The following SART1 variants were observed in gnomAD, a reference collection of about 807,000 sequenced individuals.
The protein encoded by SART1 is spliceosome associated factor 1, recruiter of U4/U6.U5 tri-snRNP, also known as U4/U6.U5 tri-snRNP-associated protein 1.
A neutral mutation model predicts 105.0 loss-of-function variants in SART1; 28 were observed. The ratio of observed to expected loss-of-function variants is 0.27; its 90% CI spans 0.20 to 0.37. SART1 has a LOEUF of 0.37. SART1 is among the 10% of genes least tolerant of loss of function. SART1 has a pLI of 1.00. For synonymous variants in SART1, 472 were observed against 462.9 expected (o/e 1.02, Z -0.25); for missense variants, 894 against 1,106.5 (o/e 0.81, Z 2.72).
In SART1 at chr11:65,977,084, T is replaced by A. The variant is rs1407063924; in HGVS notation, c.1928T>A (p.Leu643His). Residue 643 changes from leucine to histidine, a missense_variant, in exon 15 of 20, where the codon CTC becomes CAC. Physicochemically the swap from Leu to His is moderately conservative, Grantham distance 99 (BLOSUM62 -3). Around this residue, in one of 2 missense-constraint regions of SART1, gnomAD observed 182 missense variants for 328.3 expected, o/e 0.55. Coordinates refer to ENST00000312397, the MANE Select transcript of SART1 (RefSeq NM_005146.5). ...AATAGGGGGCTGGCAGCTGCCCTGC[T>A]CCTGTGTCAGAACAAAGGTAGGGAG... The part of the protein sequence containing the change: ...IVNRGLAAAL[L>H]LCQNKGLLET... 6.2e-7 allele frequency: 1 copy of A among 1,613,526 alleles called. No homozygotes were observed. Among genetic ancestry groups the A allele is most frequent in the Admixed American group, 1.7e-5 (1 of 60,010 alleles).
In SART1 at chr11:65,962,078, G is replaced by C; in HGVS notation, c.298G>C (p.Asp100His). 1 of 1,474,492 alleles carries C rather than the reference G, an allele frequency of 6.8e-7. No homozygotes were observed. The allele number at this position is 1,474,492 out of a possible 1,614,324, so 91.3% of individuals were successfully genotyped here. A position where few individuals can be genotyped will look rare whatever the true frequency, so the allele number is the denominator to read the frequency against. ...GCGCGTGAAGCGGGAGAAGCGCGATGACGGCTACGAGGCCGGTGAGGAGGC... is the reference window on the plus strand; with the variant it reads ...GCGCGTGAAGCGGGAGAAGCGCGATCACGGCTACGAGGCCGGTGAGGAGGC... ...ERRVKREKRD[D>H]GYEAAASSKT... The change falls in exon 1 of 20, where the codon GAC (aspartate) becomes CAC (histidine). Residue 100 changes from aspartate to histidine, a missense_variant. By Grantham distance (81) the Asp-to-His change is moderately conservative. Coordinates refer to ENST00000312397, the MANE Select transcript of SART1 (RefSeq NM_005146.5).
chr11:65,964,404 T>G (rs1855206190), intron 2 of SART1, 111 bp from the exon 3 acceptor site: 2 of 1,312,864 alleles, frequency 1.5e-6, no homozygotes, highest in Admixed American at 1.9e-5. Flanking sequence ...GGGGCAGACT[T>G]TGTGTTTGGG....
chr11:65,966,039 A>G, intron 7 of SART1, 37 bp from the exon 8 acceptor site: 1 of 1,613,898 alleles, frequency 6.2e-7, no homozygotes, highest in Non-Finnish European at 8.5e-7. Context: ...TGAGTTGCGG[A>G]CAAGTGTGAA....
intron 12 of SART1, among the ~76,000 whole-genome samples, chr11:65,971,732 G>T (rs1590640168): frequency 6.6e-6 from 1 of 151,994 alleles, no homozygotes; most frequent in African/African-American, 2.4e-5. Context: ...GGCAGTTAAG[G>T]GTTTCACAAA....
In SART1 at chr11:65,977,744, C is replaced by G. The variant is rs768097360; in HGVS notation, c.2037-20C>G. 8.7e-6 allele frequency: 14 copies of G among 1,613,976 alleles called. No individual in the cohort carries two copies. The highest frequency in any genetic ancestry group is 1.7e-5 in the Admixed American group (1 of 60,010). On this transcript the variant is annotated intron_variant, in intron 16 of 19. Coordinates refer to ENST00000312397, the MANE Select transcript of SART1 (RefSeq NM_005146.5). The stretch of plus-strand genomic sequence containing the variant: ...CAGGCGGCAGCTCCTCACACTAAGG[C>G]CTCCTCTGTCTCGGGCCAGGGCCAT...
At chr11:65,977,708 C>T (rs1223937654) in intron 16 of SART1, 55 bp downstream of exon 16, 46 of 1,613,694 alleles carry the variant, frequency 2.9e-5, no homozygotes, top group African/African-American at 4.0e-5. Context: ...CTTGGAGCTT[C>T]GGGACCACAG....
rs1225523032 is a variant in SART1, at chr11:65,965,794, G to C, written c.738+15G>C. ...AGAGGCGGCAGGTGAGGCTGCAGCA[G>C]GGGTGGTACAGGGGACACTGGTGGC... On this transcript the variant is annotated intron_variant, in intron 6 of 19. Transcript: ENST00000312397. 2.5e-6 allele frequency: 4 copies of C among 1,613,884 alleles called. No individual in the cohort carries two copies. The African/African-American group carries it at 5.3e-5, about 22-fold the overall frequency.
In SART1 at chr11:65,976,493, C is replaced by G. The variant is rs371435554; in HGVS notation, c.1671C>G (p.Ser557=). 19 of 1,583,232 alleles carry G rather than the reference C, an allele frequency of 1.2e-5. No homozygotes were observed. Among genetic ancestry groups the G allele is most frequent in the Non-Finnish European group, 1.1e-5 (13 of 1,164,560 alleles). ...GGGCCATCGTGTTCAACGCCACGTCCGAGTTCTGCCGCACCTTGGGGGAGA... is the reference window on the plus strand; with the variant it reads ...GGGCCATCGTGTTCAACGCCACGTCGGAGTTCTGCCGCACCTTGGGGGAGA... ...RKGAIVFNAT[S]EFCRTLGEIP... The change falls in exon 13 of 20, where the codon TCC becomes TCG. Residue 557 remains serine (S), a synonymous_variant. Coordinates refer to ENST00000312397, the MANE Select transcript of SART1 (RefSeq NM_005146.5). The surrounding 1 kb of genome is among the most constrained non-coding windows in gnomAD (Gnocchi z 5.1).
chr11:65,967,466 C>T lies in SART1; in HGVS notation c.1314-5C>T, dbSNP rs1855282764. On this transcript the variant is annotated splice_region_variant and splice_polypyrimidine_tract_variant and intron_variant, in intron 10 of 19. Transcript: ENST00000312397. ...GTGCTCACCAGAGAGGCCTCCTTCC[C>T]TCAGACTGCGGGGACGGGGTCGCCG... 1 of 1,613,620 alleles carries T rather than the reference C, an allele frequency of 6.2e-7. No homozygotes were observed.
At chr11:65,977,406 C>T (rs1242783609) in intron 15 of SART1, among the ~76,000 whole-genome samples, 157 bp from the exon 16 acceptor site, 1 of 152,192 alleles carries the variant, frequency 6.6e-6, no homozygotes, top group Non-Finnish European at 1.5e-5. Flanking sequence ...GCAAGGGGCT[C>T]ATTTCTGCAT....
At position 65,978,278 on chromosome 11, in the gene SART1, CCCCTTGCT is replaced by C; in HGVS notation, c.2173-320_2173-313del. On this transcript the variant is annotated intron_variant, in intron 17 of 19. Coordinates refer to ENST00000312397, the MANE Select transcript of SART1 (RefSeq NM_005146.5). This position sits in a 1 kb window ranked among gnomAD's most constrained non-coding sequence, Gnocchi z 6.8. ...CCGTCCTGCCCTACCACTCAGCTGCCCCCTTGCTCTCTGGGGTTTGTCTCCCTGCAGCC... is the reference window on the plus strand; with the variant it reads ...CCGTCCTGCCCTACCACTCAGCTGCCCTCTGGGGTTTGTCTCCCTGCAGCC... 2.0e-6 allele frequency: 1 copy of C among 501,050 alleles called. No individual in the cohort carries two copies. The highest frequency in any genetic ancestry group is 3.6e-6 in the Non-Finnish European group (1 of 275,922). 31.0% of individuals were successfully genotyped at this position (501,050 alleles called of 1,614,324 possible).
chr11:65,965,419 A>C lies in SART1; in HGVS notation c.632A>C (p.Gln211Pro). The C allele has an allele frequency of 6.4e-7, 1 of 1,562,356 alleles. No homozygotes were observed. Among genetic ancestry groups the C allele is most frequent in the Non-Finnish European group, 8.7e-7 (1 of 1,153,448 alleles). Residue 211 changes from glutamine (Q) to proline (P), a missense_variant, in exon 5 of 20, where the codon CAG (glutamine) becomes CCG (proline). By Grantham distance (76) the Gln-to-Pro change is moderately conservative. Around this residue, in one of 2 missense-constraint regions of SART1, gnomAD observed 712 missense variants for 778.2 expected, o/e 0.91. Coordinates refer to ENST00000312397, the MANE Select transcript of SART1 (RefSeq NM_005146.5). ...AAWIERSRQL[Q>P]KEKDLAEKRA... ...TGGATCGAGAGGAGCCGGCAGCTGC[A>C]GAAGGAGAAGGACCTGGCAGAGAAG...
At chr11:65,964,931 AG>A in intron 3 of SART1, 160 bp from the exon 4 acceptor site, 1 of 925,882 alleles carries the variant, frequency 1.1e-6, no homozygotes, top group Non-Finnish European at 1.5e-6. Context: ...TGGGTTGGCC[AG>A]GAGTGTGGGG....
In SART1 at chr11:65,976,451, G is replaced by A; in HGVS notation, c.1629G>A (p.Glu543=). ...GCCAGCGGGGCTGGGAGGAGGATGA[G>A]GATCCCGAGCGGAAGGGGGCCATCG... ...ESRQRGWEED[E]DPERKGAIVF... The change falls in exon 13 of 20, where the codon GAG becomes GAA. Residue 543 remains glutamate, a synonymous_variant. Coordinates refer to ENST00000312397, the MANE Select transcript of SART1 (RefSeq NM_005146.5). This position sits in a 1 kb window ranked among gnomAD's most constrained non-coding sequence, Gnocchi z 5.1. 2 of 1,570,728 alleles carry A rather than the reference G, an allele frequency of 1.3e-6. No homozygotes were observed. The highest frequency in any genetic ancestry group is 1.2e-5 in the South Asian group (1 of 83,200).
At chr11:65,967,945 GTTTGTT>G in intron 12 of SART1, 124 bp downstream of exon 12, 2 of 763,810 alleles carry the variant, frequency 2.6e-6, no homozygotes. Context: ...TGTTTTCTGG[GTTTGTT>G]TTTTTTTTTT....
rs373028782 is a variant in SART1, at chr11:65,974,704, G to T, written c.1573-1691G>T. 1.7e-4 allele frequency among the ~76,000 whole-genome samples: 26 copies of T among 152,024 alleles called. No homozygotes were observed. The South Asian group carries it at 5.2e-3, about 30-fold the overall frequency. ...TAAATAAGTAGCATATGATGCATTA[G>T]ATATACCTCGTTTTATGTTTACAAT... On this transcript the variant is annotated intron_variant, in intron 12 of 19. Coordinates refer to ENST00000312397, the MANE Select transcript of SART1 (RefSeq NM_005146.5).
At chr11:65,970,186 C>G (rs996403583) in intron 12 of SART1, among the ~76,000 whole-genome samples, 5 of 152,202 alleles carry the variant, frequency 3.3e-5, no homozygotes, top group South Asian at 2.1e-4. Context: ...CTGGGAGTTG[C>G]AGATATCATG....
intron 2 of SART1, 75 bp from the exon 3 acceptor site, chr11:65,964,440 C>G (rs2134902730): frequency 6.4e-7 from 1 of 1,557,716 alleles, no homozygotes; most frequent in East Asian, 2.2e-5. Flanking sequence ...CCTGTTTCTC[C>G]TCTTGTCTGT....
In SART1 at chr11:65,964,523, G is replaced by C; in HGVS notation, c.380G>C (p.Arg127Pro). 1 of 1,613,240 alleles carries C rather than the reference G, an allele frequency of 6.2e-7. No individual in the cohort carries two copies. The highest frequency in any genetic ancestry group is 8.5e-7 in the Non-Finnish European group (1 of 1,179,806). The change falls in exon 3 of 20, where the codon CGG becomes CCG. Residue 127 changes from arginine to proline, a missense_variant. Transcript: ENST00000312397. ...SLSIEETNKL[R>P]AKLGLKPLEV... The stretch of plus-strand genomic sequence containing the variant: ...GTATCTCTTGTTGTCAGCAAACTCC[G>C]GGCAAAGTTGGGGCTGAAACCCTTG...
Sources: allele counts gnomAD v4.1 joint callset (sites outside exome capture counted in the v4.1 genomes callset), GRCh38; gene constraint gnomAD v4.1.1; regional missense constraint gnomAD v4.1.1; non-coding constraint Gnocchi (gnomAD v3.1); transcripts MANE v1.5; gene names NCBI Gene and HGNC (gene_info 2026-07-23, HGNC 2026-07-21).